The following SKAP1 variants were observed in gnomAD, a reference collection of about 807,000 sequenced individuals.
SKAP1 encodes the protein src kinase-associated phosphoprotein 1.
In SKAP1, 44 loss-of-function variants were observed where a neutral mutation model predicts 58.5. The observed-to-expected ratio is 0.75, with a 90% CI of 0.59 to 0.97. The LOEUF (loss-of-function observed/expected upper bound fraction) is 0.97. Ranked by LOEUF, SKAP1 falls within the 50% of genes least tolerant of loss-of-function variation. The probability of loss-of-function intolerance (pLI) is 0.00; values close to 1 mark genes in which losing one functional copy is unlikely to be tolerated. For missense variants in SKAP1, 390 were observed against 435.2 expected, an observed-to-expected ratio of 0.90 and a Z score of 0.92; for synonymous variants, 127 against 149.7, an observed-to-expected ratio of 0.85 and a Z score of 1.11.
chr17:48,398,423 T>C (rs953398743), intron 1 of SKAP1, among the ~76,000 whole-genome samples: 1 of 152,108 alleles, frequency 6.6e-6, no homozygotes, highest in Non-Finnish European at 1.5e-5. Flanking sequence ...CCACTGATTC[T>C]ACATTATGGT....
At chr17:48,338,583 G>A (rs371798798) in intron 4 of SKAP1, among the ~76,000 whole-genome samples, 1 of 152,004 alleles carries the variant, frequency 6.6e-6, no homozygotes, top group Non-Finnish European at 1.5e-5. Context: ...GGTTAAATTC[G>A]CAAGGAGTTT....
intron 2 of SKAP1, among the ~76,000 whole-genome samples, chr17:48,391,635 T>C (rs986741262): frequency 6.1e-4 from 93 of 152,170 alleles, no homozygotes; most frequent in African/African-American, 2.1e-3. Flanking sequence ...TGGGTTTGTT[T>C]TTTCTTCCTT....
intron 4 of SKAP1, among the ~76,000 whole-genome samples, chr17:48,266,279 T>C (rs939374935): frequency 1.3e-5 from 2 of 152,164 alleles, no homozygotes; most frequent in Non-Finnish European, 2.9e-5. Context: ...TCCTGCATAT[T>C]TCTAGTTCAA....
At chr17:48,421,088 C>T (rs948177444) in intron 1 of SKAP1, among the ~76,000 whole-genome samples, 18 of 152,260 alleles carry the variant, frequency 1.2e-4, no homozygotes, top group African/African-American at 4.3e-4. Flanking sequence ...CTGAGGAGAG[C>T]TGTGAACTTC....
chr17:48,162,639 C>T, intron 10 of SKAP1, 70 bp from the exon 11 acceptor site: 1 of 1,160,208 alleles, frequency 8.6e-7, no homozygotes, highest in Non-Finnish European at 1.3e-6. Flanking sequence ...GTTTTTGCTG[C>T]AAATGGAAAC....
At chr17:48,410,934 CAAAAAAA>C (rs61705374) in intron 1 of SKAP1, among the ~76,000 whole-genome samples, 64 of 66,982 alleles carry the variant, frequency 9.6e-4, no homozygotes, top group African/African-American at 2.4e-3. Context: ...GACTCCATTT[CAAAAAAA>C]AAAAAAAAAA....
At chr17:48,387,690 CCT>C (rs2067294829) in intron 2 of SKAP1, among the ~76,000 whole-genome samples, 1 of 152,120 alleles carries the variant, frequency 6.6e-6, no homozygotes, top group Non-Finnish European at 1.5e-5. Flanking sequence ...TTGTTTCTAA[CCT>C]CTGTCATTTT....
chr17:48,370,660 C>T (rs2067072733), intron 2 of SKAP1, among the ~76,000 whole-genome samples: 1 of 152,290 alleles, frequency 6.6e-6, no homozygotes, highest in African/African-American at 2.4e-5. Context: ...AGAAAAGGAA[C>T]ACTTATACAT....
chr17:48,135,890 T>C (rs183768758), intron 12 of SKAP1, among the ~76,000 whole-genome samples: 48 of 152,360 alleles, frequency 3.2e-4, no homozygotes, highest in African/African-American at 1.1e-3. Context: ...GTCAGTCATA[T>C]TGCAATATGT....
chr17:48,159,541 T>C (rs2064039163), intron 11 of SKAP1, among the ~76,000 whole-genome samples: 1 of 152,178 alleles, frequency 6.6e-6, no homozygotes, highest in African/African-American at 2.4e-5. Context: ...GTCAGTTCTG[T>C]CCTTACAGGC....
At position 48,256,251 on chromosome 17, in the gene SKAP1, G is replaced by C. The variant is rs79529407; in HGVS notation, c.281-66751C>G. Among the ~76,000 whole-genome samples, 17 of 152,012 alleles carry C rather than the reference G, an allele frequency of 1.1e-4. No homozygotes were observed. In the East Asian group the frequency reaches 2.5e-3, roughly 22 times the overall value. On this transcript the variant is annotated intron_variant, in intron 4 of 12. Coordinates refer to ENST00000336915, the MANE Select transcript of SKAP1 (RefSeq NM_003726.4). ...AAGGTCCAGAGAGTAGTGTAAGAGAGAAAAATTCAAGTAAATCAATCCCAT... is the reference window on the plus strand; with the variant it reads ...AAGGTCCAGAGAGTAGTGTAAGAGACAAAAATTCAAGTAAATCAATCCCAT...
At chr17:48,135,342 G>A (rs1270678542) in intron 12 of SKAP1, among the ~76,000 whole-genome samples, 1 of 152,032 alleles carries the variant, frequency 6.6e-6, no homozygotes, top group Non-Finnish European at 1.5e-5. Flanking sequence ...GGTCTTGGGG[G>A]CCCTCCATCA....
At chr17:48,331,272 T>A (rs904204228) in intron 4 of SKAP1, among the ~76,000 whole-genome samples, 1 of 152,068 alleles carries the variant, frequency 6.6e-6, no homozygotes, top group Non-Finnish European at 1.5e-5. Flanking sequence ...TGTGGATTTT[T>A]TAAAAAAAAA....
chr17:48,190,350 G>T (rs2064524059), intron 4 of SKAP1, among the ~76,000 whole-genome samples: 1 of 151,918 alleles, frequency 6.6e-6, no homozygotes, highest in South Asian at 2.1e-4. Context: ...CTGACCTCGT[G>T]ATCCGTCCAC....
rs530226472 is a variant in SKAP1 at position 48,355,940 on chromosome 17, C to T, written c.178+7849G>A. Among the ~76,000 whole-genome samples, 8 of 152,196 alleles carry T rather than the reference C, an allele frequency of 5.3e-5. No individual in the cohort carries two copies. In the East Asian group the frequency reaches 1.4e-3, roughly 26 times the overall value. ...CTGCTGTTTTATACCATCATCAGGGCCTTTCCCATTAATTAACATTTCAAA... is the reference window on the plus strand; with the variant it reads ...CTGCTGTTTTATACCATCATCAGGGTCTTTCCCATTAATTAACATTTCAAA... On this transcript the variant is annotated intron_variant, in intron 3 of 12. Coordinates refer to ENST00000336915, the MANE Select transcript of SKAP1 (RefSeq NM_003726.4).
intron 4 of SKAP1, chr17:48,204,229 T>C (rs886080379): frequency 6.6e-6 from 1 of 151,766 alleles, no homozygotes; most frequent in Non-Finnish European, 1.5e-5. Flanking sequence ...TGAGTAGCTG[T>C]GTTATAGGCA....
At chr17:48,171,475 A>G (rs1356351128) in intron 9 of SKAP1, among the ~76,000 whole-genome samples, 1 of 151,930 alleles carries the variant, frequency 6.6e-6, no homozygotes, top group Non-Finnish European at 1.5e-5. Context: ...CTTCCCTTTC[A>G]TTTATTCATA....
intron 11 of SKAP1, among the ~76,000 whole-genome samples, chr17:48,139,215 T>C (rs2063739416): frequency 6.6e-6 from 1 of 150,698 alleles, no homozygotes; most frequent in South Asian, 2.1e-4. Flanking sequence ...GGAGTCTCGC[T>C]CTTTTGCCCG....
chr17:48,158,333 T>C (rs1173221901), intron 11 of SKAP1, among the ~76,000 whole-genome samples: 2 of 148,910 alleles, frequency 1.3e-5, no homozygotes, highest in Non-Finnish European at 3.0e-5. Flanking sequence ...GATCACGAGG[T>C]CAGGAGATCC....
Sources: allele counts gnomAD v4.1 joint callset (sites outside exome capture counted in the v4.1 genomes callset), GRCh38; gene constraint gnomAD v4.1.1; transcripts MANE v1.5; gene names NCBI Gene and HGNC (gene_info 2026-07-23, HGNC 2026-07-21).